MFSD12: variants seen among roughly 807,000 people sequenced by gnomAD.
The protein encoded by MFSD12 is major facilitator superfamily domain containing 12, also known as major facilitator superfamily domain-containing protein 12.
In MFSD12, 67 loss-of-function variants were observed where a neutral mutation model predicts 51.2. That is an observed-to-expected ratio of 1.31 (90% CI 1.08 to 1.60). The LOEUF (loss-of-function observed/expected upper bound fraction) is 1.60. MFSD12 is among the 40% of genes most tolerant of loss of function. The pLI is 0.00. For synonymous variants in MFSD12, 441 were observed against 316.7 expected (o/e 1.39, Z -4.17); for missense variants, 921 against 673.0 (o/e 1.37, Z -4.08).
chr19:3,549,992 G>A (rs1005250517), intron 2 of MFSD12, among the ~76,000 whole-genome samples: 7 of 152,108 alleles, frequency 4.6e-5, no homozygotes, highest in South Asian at 2.1e-4. Context: ...TCCTTTGGGA[G>A]AGAGGGCTTA....
At chr19:3,543,322 C>T (rs928298177), downstream of MFSD12, 55 of 1,549,346 alleles carry the variant, frequency 3.5e-5, no homozygotes, top group African/African-American at 3.8e-4. Context: ...TGGGACGGGA[C>T]GCAGCCGGCC....
chr19:3,552,032 C>A (rs886446034), intron 1 of MFSD12, among the ~76,000 whole-genome samples: 3 of 152,212 alleles, frequency 2.0e-5, no homozygotes, highest in Non-Finnish European at 4.4e-5. Context: ...TCTCTCCTGG[C>A]CCCTGCTGCC....
At position 3,547,273 on chromosome 19, in the gene MFSD12, T is replaced by C. The variant is rs768332105; in HGVS notation, c.1022A>G (p.Asn341Ser). Residue 341 changes from asparagine (N) to serine (S), a missense_variant and splice_region_variant, in exon 6 of 10, where the codon AAC (asparagine) becomes AGC (serine). By Grantham distance (46) the Asn-to-Ser change is conservative. Coordinates refer to ENST00000355415, the MANE Select transcript of MFSD12 (RefSeq NM_174983.5). ...TGTCCCCGGTCCCCGCCCACTCACG[T>C]TCCTCCCAATGCACTTGTTGATGGG... is the stretch of plus-strand genomic sequence containing the variant. ...MKPINKCIGR[N>S]MTYFSGLLVI... 6.2e-7 allele frequency: 1 copy of C among 1,612,246 alleles called. No individual in the cohort carries two copies. Among genetic ancestry groups the C allele is most frequent in the Non-Finnish European group, 8.5e-7 (1 of 1,179,160 alleles).
At chr19:3,556,406 T>TC (rs1232697342) in intron 1 of MFSD12, among the ~76,000 whole-genome samples, 2 of 151,994 alleles carry the variant, frequency 1.3e-5, no homozygotes, top group Non-Finnish European at 2.9e-5. Context: ...GCCCCGCAGG[T>TC]CAGACAGCAG....
chr19:3,546,288 C>A lies in MFSD12; in HGVS notation c.1161G>T (p.Leu387=). 6.2e-7 allele frequency: 1 copy of A among 1,610,490 alleles called. No individual in the cohort carries two copies. The highest frequency in any genetic ancestry group is 8.5e-7 in the Non-Finnish European group (1 of 1,179,112). ...AGCATILVTS[L]AMTADLIGPH... ...GACCGATGAGGTCGGCCGTCATGGC[C>A]AGCGAGGTGACGAGGATGGTGGCAC... Residue 387 remains leucine (L), a synonymous_variant, in exon 7 of 10, where the codon CTG becomes CTT. Transcript: ENST00000355415.
rs772767493 is a variant in MFSD12 at position 3,544,748 on chromosome 19, G to A, written c.1421-16C>T. The A allele has an allele frequency of 2.4e-5, 39 of 1,598,230 alleles. No homozygotes were observed. The highest frequency in any genetic ancestry group is 3.0e-5 in the Non-Finnish European group (35 of 1,170,530). On this transcript the variant is annotated splice_polypyrimidine_tract_variant and intron_variant, in intron 9 of 9. Transcript: ENST00000355415. ...TCACGGTCCCCTGCAAGGGAGGGGT[G>A]GAAATGGCATTAGAGAGTGTGGGTC...
chr19:3,548,726 T>A (rs543798101), intron 2 of MFSD12, among the ~76,000 whole-genome samples: 1 of 152,164 alleles, frequency 6.6e-6, no homozygotes, highest in Non-Finnish European at 1.5e-5. Flanking sequence ...CAGTCTCTCT[T>A]TCTGAAAGCG....
chr19:3,557,408 G>A lies in MFSD12; in HGVS notation c.-5C>T. On this transcript the variant is annotated 5_prime_UTR_variant, in exon 1 of 10. Transcript: ENST00000355415. ...CGCTGGGGGTCCCGGGCCCATCGCG[G>A]CGCCGGGCCCGCGCCCCCCACCCCC... The A allele has an allele frequency of 2.4e-6, 3 of 1,232,970 alleles. No homozygotes were observed. Among genetic ancestry groups the A allele is most frequent in the East Asian group, 6.9e-5 (2 of 28,864 alleles). The allele number at this position is 1,232,970 out of a possible 1,614,324, so 76.4% of individuals were successfully genotyped here.
downstream of MFSD12, chr19:3,543,277 CATCAGGCAGGCCACACGCT>C (rs1484544787): frequency 6.5e-7 from 1 of 1,547,872 alleles, no homozygotes; most frequent in Non-Finnish European, 8.7e-7. Flanking sequence ...GGCCACCAGC[CATCAGGCAGGCCACACGCT>C]GGAAGTACAC....
At chr19:3,539,403 G>C (rs760013963), downstream of MFSD12, 6 of 608,256 alleles carry the variant, frequency 9.9e-6, no homozygotes, top group Non-Finnish European at 1.8e-5. Context: ...GTCCCCTCCA[G>C]CTCTTCCTGT....
downstream of MFSD12, chr19:3,543,660 C>T (rs1160632709): frequency 6.5e-7 from 1 of 1,540,776 alleles, no homozygotes; most frequent in East Asian, 2.4e-5. Context: ...AAAGACAGGC[C>T]AATCCGGGGC....
At chr19:3,539,254 T>TGTACAGGTGAGCCCCTCC (rs2030151450), downstream of MFSD12, 1 of 1,548,170 alleles carries the variant, frequency 6.5e-7, no homozygotes, top group Non-Finnish European at 8.7e-7. Context: ...CCAGCACCGC[T>TGTACAGGTGAGCCCCTCC]GTACAGGTGA....
At chr19:3,539,592 T>C (rs61733753), downstream of MFSD12, 3,675 of 320,634 alleles carry the variant, frequency 0.011, 114 homozygotes, top group African/African-American at 0.061. Context: ...GCTGAGAGAG[T>C]CTGTCCCACA....
At chr19:3,546,010 C>G in intron 8 of MFSD12, 64 bp downstream of exon 8, 1 of 1,544,432 alleles carries the variant, frequency 6.5e-7, no homozygotes, top group South Asian at 1.1e-5. Flanking sequence ...CTGCTGGACA[C>G]ACAGCAGGCG....
chr19:3,543,690 G>C (rs1258012178), downstream of MFSD12: 19 of 1,523,110 alleles, frequency 1.2e-5, no homozygotes, highest in Admixed American at 3.5e-4. Context: ...GGTGAGGCTA[G>C]GTGCAGGGTG....
exon 5 of MFSD12, chr19:3,538,524 G>T (rs904422794): frequency 5.4e-6 from 2 of 369,918 alleles, no homozygotes; most frequent in East Asian, 7.3e-5. Context: ...TTTCATAGAA[G>T]TGGGATCACA....
At chr19:3,538,991 CCA>C in intron 4 of MFSD12, 1 of 630,280 alleles carries the variant, frequency 1.6e-6, no homozygotes, top group Non-Finnish European at 2.9e-6. Context: ...CCTTGCCCAC[CCA>C]CACTGTGTCA....
At chr19:3,545,982 A>G in intron 8 of MFSD12, 92 bp downstream of exon 8, 1 of 1,356,796 alleles carries the variant, frequency 7.4e-7, no homozygotes, top group Non-Finnish European at 1.0e-6. Context: ...CCACAGCTGG[A>G]TGCCCAGACC....
Position 3,544,845 on chromosome 19 carries a change from A to G in MFSD12, c.1384T>C (p.Cys462Arg), listed in dbSNP as rs779576712. 8 of 1,612,432 alleles carry G rather than the reference A, an allele frequency of 5.0e-6. No individual in the cohort carries two copies. The South Asian group carries it at 6.6e-5, about 13-fold the overall frequency. ...CGGGTCGGCCACAGCAGGAGGCTAC[A>G]GAGACACAGGGCAGCGGCCACGCCC... Reference protein sequence around the residue: ...GVGVAAALCLCSLLLWPTRLR... With the variant: ...GVGVAAALCLRSLLLWPTRLR... Residue 462 changes from cysteine to arginine, a missense_variant, in exon 9 of 10, where the codon TGT becomes CGT. Transcript: ENST00000355415.
Sources: allele counts gnomAD v4.1 joint callset (sites outside exome capture counted in the v4.1 genomes callset), GRCh38; gene constraint gnomAD v4.1.1; transcripts MANE v1.5; gene names NCBI Gene and HGNC (gene_info 2026-07-23, HGNC 2026-07-21).